The following COLQ variants were observed in gnomAD, a reference collection of about 807,000 sequenced individuals.
COLQ encodes the protein acetylcholinesterase collagenic tail peptide.
In COLQ, 48 loss-of-function variants were observed where a neutral mutation model predicts 69.0. That is an observed-to-expected ratio of 0.70 (90% CI 0.55 to 0.88). The LOEUF (loss-of-function observed/expected upper bound fraction) is 0.88, where lower values mean the gene tolerates loss of function less well. Ranked by LOEUF, COLQ falls within the 40% of genes least tolerant of loss-of-function variation. COLQ has a pLI of 0.00. For missense variants in COLQ, 618 were observed against 594.6 expected (o/e 1.04, Z -0.41); for synonymous variants, 217 against 211.2 (o/e 1.03, Z -0.24).
intron 11 of COLQ, chr3:15,467,704 T>C (rs1291822832): frequency 2.6e-5 from 10 of 379,978 alleles, no homozygotes; most frequent in South Asian, 1.8e-4. Context: ...AGAGCAGTGA[T>C]TGACACTTGC....
At chr3:15,521,090 G>T (rs1355935799) in intron 1 of COLQ, among the ~76,000 whole-genome samples, 1 of 152,156 alleles carries the variant, frequency 6.6e-6, no homozygotes, top group Non-Finnish European at 1.5e-5. Context: ...TCTGGGTCTG[G>T]AAAGAGGTTT....
rs2062320642 is a variant in COLQ at position 15,473,230 on chromosome 3, G to A, written c.636+770C>T. Among the ~76,000 whole-genome samples the A allele has an allele frequency of 2.0e-5, 3 of 152,096 alleles. No homozygotes were observed. The highest frequency in any genetic ancestry group is 4.1e-4 in the South Asian group (2 of 4,828). ...TGCAGTGGTGCAATCATGGCTTACC[G>A]CAGCTTTGACTCCTGGGCTCAGGCC... On this transcript the variant is annotated intron_variant, in intron 10 of 16. Coordinates refer to ENST00000383788, the MANE Select transcript of COLQ (RefSeq NM_005677.4). The surrounding 1 kb of genome is among the most constrained non-coding windows in gnomAD (Gnocchi z 4.0).
rs184200680 is a variant in COLQ at position 15,494,943 on chromosome 3, A to C, written c.107-5306T>G. Among the ~76,000 whole-genome samples, 47 of 152,336 alleles carry C rather than the reference A, an allele frequency of 3.1e-4. 1 individual carries two copies. The highest frequency in any genetic ancestry group is 1.0e-3 in the Admixed American group (16 of 15,296). ...TAGAAATTCACCTAATCCTCACAGC[A>C]ACCCTAAGAGCTAGGTACTACTCTT... On this transcript the variant is annotated intron_variant, in intron 1 of 16. Coordinates refer to ENST00000383788, the MANE Select transcript of COLQ (RefSeq NM_005677.4).
Position 15,498,425 on chromosome 3 carries a change from G to A in COLQ, c.107-8788C>T, listed in dbSNP as rs944957220. 5.7e-6 allele frequency: 8 copies of A among 1,402,994 alleles called. No individual in the cohort carries two copies. In the African/African-American group the frequency reaches 1.1e-4, roughly 20 times the overall value. 86.9% of individuals were successfully genotyped at this position (1,402,994 alleles called of 1,614,324 possible). A position where few individuals can be genotyped will look rare whatever the true frequency, so the allele number is the denominator to read the frequency against. ...AAGGCTGCTAAAACCTCCTAGTACA[G>A]TCTGCTTTCCAAGAGTCTTTTTTCC... On this transcript the variant is annotated intron_variant, in intron 1 of 16. Coordinates refer to ENST00000383788, the MANE Select transcript of COLQ (RefSeq NM_005677.4).
intron 7 of COLQ, 65 bp from the exon 8 acceptor site, chr3:15,475,016 T>C: frequency 6.5e-7 from 1 of 1,548,656 alleles, no homozygotes; most frequent in Non-Finnish European, 8.9e-7. Flanking sequence ...GGTGGAAGAA[T>C]AGAAGGAATC....
chr3:15,474,349 TCCC>T, intron 8 of COLQ, 77 bp from the exon 9 acceptor site: 1 of 1,468,944 alleles, frequency 6.8e-7, no homozygotes, highest in Non-Finnish European at 9.5e-7. Context: ...ACTGAAAAGC[TCCC>T]TAAACCAAAA....
chr3:15,503,939 G>A (rs763648596), intron 1 of COLQ, among the ~76,000 whole-genome samples: 5 of 152,000 alleles, frequency 3.3e-5, no homozygotes, highest in Non-Finnish European at 2.9e-5. Context: ...ACTTACCAAC[G>A]CCCAGAATCA....
chr3:15,501,598 C>A (rs778716350), intron 1 of COLQ, among the ~76,000 whole-genome samples: 2 of 152,228 alleles, frequency 1.3e-5, no homozygotes, highest in Non-Finnish European at 2.9e-5. Context: ...ACCATTCTTT[C>A]CTCGGCCAAG....
intron 12 of COLQ, among the ~76,000 whole-genome samples, chr3:15,465,098 C>T (rs1367806525): frequency 1.3e-5 from 2 of 151,826 alleles, no homozygotes; most frequent in Admixed American, 6.6e-5. Context: ...CACTTGAACC[C>T]GGGAGGTGGA....
intron 1 of COLQ, among the ~76,000 whole-genome samples, chr3:15,519,182 A>G (rs1328813773): frequency 6.6e-6 from 1 of 151,898 alleles, no homozygotes; most frequent in Non-Finnish European, 1.5e-5. Context: ...CGCTAGGTCT[A>G]TTCCATTGTT....
chr3:15,454,145 C>T (rs1272891807), intron 15 of COLQ, among the ~76,000 whole-genome samples: 18 of 152,160 alleles, frequency 1.2e-4, no homozygotes, highest in Admixed American at 1.2e-3. Context: ...GATCCTGGCT[C>T]CAGCCCCGCC....
intron 1 of COLQ, among the ~76,000 whole-genome samples, chr3:15,517,043 G>A (rs2063072463): frequency 1.3e-5 from 2 of 152,176 alleles, no homozygotes; most frequent in Non-Finnish European, 2.9e-5. Flanking sequence ...TCAAGAGGCA[G>A]AGGTATGACA....
chr3:15,518,465 A>G (rs2063091486), intron 1 of COLQ, among the ~76,000 whole-genome samples: 1 of 152,200 alleles, frequency 6.6e-6, no homozygotes, highest in South Asian at 2.1e-4. Context: ...AAGGCCTGAA[A>G]TAGTTTTGTG....
At chr3:15,494,330 G>A (rs1368609899) in intron 1 of COLQ, among the ~76,000 whole-genome samples, 1 of 152,028 alleles carries the variant, frequency 6.6e-6, no homozygotes, top group South Asian at 2.1e-4. Context: ...AGGAAGGGAG[G>A]GACTGATGCA....
intron 11 of COLQ, among the ~76,000 whole-genome samples, chr3:15,468,383 A>G (rs1214568476): frequency 8.5e-6 from 1 of 117,306 alleles, no homozygotes. Context: ...CCCAGGCTGG[A>G]GTGCAGTGGC....
intron 1 of COLQ, among the ~76,000 whole-genome samples, chr3:15,495,805 T>C (rs778726131): frequency 3.3e-5 from 5 of 152,206 alleles, no homozygotes; most frequent in African/African-American, 4.8e-5. Context: ...TCCTAGAGTG[T>C]TGAGTCGCTA....
intron 12 of COLQ, among the ~76,000 whole-genome samples, chr3:15,463,736 G>T (rs60366093): frequency 1.3e-5 from 2 of 152,040 alleles, no homozygotes; most frequent in Non-Finnish European, 2.9e-5. Context: ...CAGTCTCTGC[G>T]GTTGGTAGCT....
intron 11 of COLQ, among the ~76,000 whole-genome samples, chr3:15,469,744 G>A (rs1271322816): frequency 6.6e-6 from 1 of 152,200 alleles, no homozygotes; most frequent in Non-Finnish European, 1.5e-5. Flanking sequence ...CCTAGGCACT[G>A]GGGATGAGGA....
At chr3:15,493,043 A>G (rs1248964416) in intron 1 of COLQ, among the ~76,000 whole-genome samples, 4 of 152,218 alleles carry the variant, frequency 2.6e-5, no homozygotes, top group Non-Finnish European at 5.9e-5. Context: ...AACAGGAACA[A>G]CAGGTGGCCA....
Sources: allele counts gnomAD v4.1 joint callset (sites outside exome capture counted in the v4.1 genomes callset), GRCh38; gene constraint gnomAD v4.1.1; non-coding constraint Gnocchi (gnomAD v3.1); transcripts MANE v1.5; gene names NCBI Gene and HGNC (gene_info 2026-07-23, HGNC 2026-07-21).